Variants in ADAMTS14 observed in about 807,000 individuals in gnomAD.
ADAMTS14 encodes ADAM metallopeptidase with thrombospondin type 1 motif 14.
In ADAMTS14, 100 loss-of-function variants were observed where a neutral mutation model predicts 128.6. The observed-to-expected ratio is 0.78, with a 90% CI of 0.66 to 0.92. The LOEUF (loss-of-function observed/expected upper bound fraction) is 0.92, where lower values mean the gene tolerates loss of function less well. Ranked by LOEUF, ADAMTS14 falls within the 40% of genes least tolerant of loss-of-function variation. The probability of loss-of-function intolerance (pLI) is 0.00; values close to 1 mark genes in which losing one functional copy is unlikely to be tolerated. For missense variants in ADAMTS14, 1,562 were observed against 1,658.6 expected (o/e 0.94, Z 1.01); for synonymous variants, 665 against 653.8 (o/e 1.02, Z -0.26).
At chr10:70,759,450 G>T (rs76272297) in intron 21 of ADAMTS14, among the ~76,000 whole-genome samples, 2,039 of 152,216 alleles carry the variant, frequency 0.013, 44 homozygotes, top group African/African-American at 0.046. Context: ...TCACAGAAAG[G>T]TGTGATATTT....
At chr10:70,743,523 C>A (rs1408519689) in intron 12 of ADAMTS14, 25 bp from the exon 13 acceptor site, 1 of 1,605,156 alleles carries the variant, frequency 6.2e-7, no homozygotes, top group Admixed American at 1.7e-5. Context: ...CAGCTGGGGA[C>A]TCAGCATAGT....
chr10:70,720,342 T>TCC (rs1841216654), intron 4 of ADAMTS14, among the ~76,000 whole-genome samples: 1 of 152,130 alleles, frequency 6.6e-6, no homozygotes, highest in African/African-American at 2.4e-5. Context: ...TTCCTTCCAC[T>TCC]CCCCTGAGAG....
intron 4 of ADAMTS14, 48 bp downstream of exon 4, chr10:70,708,826 G>GGGGGC: frequency 1.3e-5 from 5 of 396,624 alleles, no homozygotes; most frequent in East Asian, 7.1e-5. Context: ...GGTGGGGTGG[G>GGGGGC]CCCCACCCCA....
intron 7 of ADAMTS14, among the ~76,000 whole-genome samples, chr10:70,733,065 G>C (rs904184202): frequency 6.6e-6 from 1 of 152,188 alleles, no homozygotes; most frequent in African/African-American, 2.4e-5. Flanking sequence ...AGAACCAAGA[G>C]ACACCATCAG....
intron 4 of ADAMTS14, among the ~76,000 whole-genome samples, chr10:70,714,877 C>T (rs775373460): frequency 6.0e-5 from 8 of 134,214 alleles, no homozygotes; most frequent in African/African-American, 1.7e-4. Context: ...ACCTGGGAGG[C>T]GGAGGTTGCA....
chr10:70,755,544 C>T (rs1270479755), intron 19 of ADAMTS14, among the ~76,000 whole-genome samples: 1 of 152,044 alleles, frequency 6.6e-6, no homozygotes, highest in Non-Finnish European at 1.5e-5. Context: ...GAACCATAGA[C>T]TTAAAAATAG....
At chr10:70,736,028 C>G (rs960936714) in intron 9 of ADAMTS14, among the ~76,000 whole-genome samples, 2 of 152,252 alleles carry the variant, frequency 1.3e-5, no homozygotes, top group African/African-American at 4.8e-5. Flanking sequence ...GACACCTTCC[C>G]CACTGTCTGG....
chr10:70,686,205 T>C (rs1454110205), intron 2 of ADAMTS14, among the ~76,000 whole-genome samples: 2 of 152,032 alleles, frequency 1.3e-5, no homozygotes, highest in Non-Finnish European at 2.9e-5. Flanking sequence ...AGATCGTTTG[T>C]TAGGACCAAG....
chr10:70,735,815 T>C (rs952736904), intron 9 of ADAMTS14, among the ~76,000 whole-genome samples: 1 of 152,158 alleles, frequency 6.6e-6, no homozygotes, highest in Non-Finnish European at 1.5e-5. Flanking sequence ...CTGCTGAGCC[T>C]GAGATCAGCT....
At position 70,761,462 on chromosome 10, in the gene ADAMTS14, C is replaced by A. The variant is rs1842611791; in HGVS notation, c.*609C>A. 1 of 152,398 alleles carries A rather than the reference C, an allele frequency of 6.6e-6. No individual in the cohort carries two copies. Among genetic ancestry groups the A allele is most frequent in the South Asian group, 2.1e-4 (1 of 4,826 alleles). 9.4% of individuals were successfully genotyped at this position (152,398 alleles called of 1,614,324 possible). ...TGCAGTTCCACCAGCTGAGGCCAGGCAGCAGAGGCCAGTTTGTCTTTGCTG... is the reference window on the plus strand; with the variant it reads ...TGCAGTTCCACCAGCTGAGGCCAGGAAGCAGAGGCCAGTTTGTCTTTGCTG... On this transcript the variant is annotated 3_prime_UTR_variant, in exon 22 of 22. Coordinates refer to ENST00000373207, the MANE Select transcript of ADAMTS14 (RefSeq NM_080722.4).
rs779334333 is a variant in ADAMTS14, at chr10:70,760,479, C to T, written c.3298C>T (p.Pro1100Ser). The change falls in exon 22 of 22, where the codon CCC becomes TCC. Residue 1100 changes from proline to serine, a missense_variant. Pro to Ser is a moderately conservative substitution (Grantham distance 74). Coordinates refer to ENST00000373207, the MANE Select transcript of ADAMTS14 (RefSeq NM_080722.4). ...GTCCTGCATCAAGAAGGCCTCGGGCCCCAACCCTGGCCCAGACCCTGGCCC... is the reference window on the plus strand; with the variant it reads ...GTCCTGCATCAAGAAGGCCTCGGGCTCCAACCCTGGCCCAGACCCTGGCCC... Reference protein sequence around the residue: ...CVSCIKKASGPNPGPDPGPTS... With the variant: ...CVSCIKKASGSNPGPDPGPTS... 1 of 1,613,926 alleles carries T rather than the reference C, an allele frequency of 6.2e-7. No individual in the cohort carries two copies. The highest frequency in any genetic ancestry group is 2.2e-5 in the East Asian group (1 of 44,884).
Position 70,702,428 on chromosome 10 carries a change from G to C in ADAMTS14, c.639G>C (p.Gln213His), listed in dbSNP as rs1403540173. The change falls in exon 3 of 22, where the codon CAG becomes CAC. Residue 213 changes from glutamine (Q) to histidine (H), a missense_variant. Gln to His is a conservative substitution (Grantham distance 24). Transcript: ENST00000373207. ...THVVYRREAV[Q>H]QEWAEPDGDL... ...TGGTGTACCGCCGGGAGGCCGTCCA[G>C]CAGGAGTGGGCAGAACCTGACGGGG... 3 of 1,613,388 alleles carry C rather than the reference G, an allele frequency of 1.9e-6. No homozygotes were observed. The South Asian group carries it at 3.3e-5, about 18-fold the overall frequency.
intron 11 of ADAMTS14, among the ~76,000 whole-genome samples, chr10:70,739,208 A>G (rs1459876942): frequency 1.3e-5 from 2 of 152,082 alleles, no homozygotes; most frequent in Admixed American, 6.5e-5. Flanking sequence ...CGTTTGTCTG[A>G]ACCAGTGGTT....
intron 15 of ADAMTS14, chr10:70,745,528 A>G: frequency 1.7e-6 from 1 of 584,448 alleles, no homozygotes; most frequent in East Asian, 3.1e-5. Flanking sequence ...CCTAGTAAAG[A>G]GTCCCCTTTC....
At chr10:70,759,065 G>T (rs1842545032) in intron 21 of ADAMTS14, among the ~76,000 whole-genome samples, 2 of 143,664 alleles carry the variant, frequency 1.4e-5, no homozygotes, top group African/African-American at 5.2e-5. Flanking sequence ...TGAGCTTAGT[G>T]ACCTCATCTG....
intron 2 of ADAMTS14, among the ~76,000 whole-genome samples, chr10:70,678,067 C>T (rs943122072): frequency 3.1e-4 from 47 of 152,300 alleles, no homozygotes; most frequent in African/African-American, 9.4e-4. Flanking sequence ...GCAACAGTAA[C>T]GGGTTCTTCC....
At chr10:70,745,530 T>A (rs868195933) in intron 15 of ADAMTS14, 1 of 577,886 alleles carries the variant, frequency 1.7e-6, no homozygotes. Flanking sequence ...TAGTAAAGAG[T>A]CCCCTTTCTA....
At chr10:70,731,427 A>G (rs1353481698) in intron 6 of ADAMTS14, among the ~76,000 whole-genome samples, 1 of 152,164 alleles carries the variant, frequency 6.6e-6, no homozygotes, top group African/African-American at 2.4e-5. Context: ...CTCCTCTAAC[A>G]TGAAGGAATA....
At chr10:70,740,014 G>A (rs1228771605) in intron 11 of ADAMTS14, among the ~76,000 whole-genome samples, 1 of 152,166 alleles carries the variant, frequency 6.6e-6, no homozygotes, top group Non-Finnish European at 1.5e-5. Context: ...TTGCAGGCAT[G>A]ACCGACAATT....
Sources: allele counts gnomAD v4.1 joint callset (sites outside exome capture counted in the v4.1 genomes callset), GRCh38; gene constraint gnomAD v4.1.1; transcripts MANE v1.5; gene names NCBI Gene and HGNC (gene_info 2026-07-23, HGNC 2026-07-21).